Variants in SPC25 observed in about 807,000 individuals in gnomAD.
SPC25 encodes kinetochore protein Spc25.
In SPC25, 22 loss-of-function variants were observed where a neutral mutation model predicts 29.6. That is an observed-to-expected ratio of 0.74 (90% CI 0.53 to 1.06). The LOEUF (loss-of-function observed/expected upper bound fraction) is 1.06. Ranked by LOEUF, SPC25 falls within the 50% of genes least tolerant of loss-of-function variation. SPC25 has a pLI of 0.00. For synonymous variants in SPC25, 91 were observed against 90.4 expected (o/e 1.01, Z -0.04); for missense variants, 230 against 255.8 (o/e 0.90, Z 0.69).
chr2:168,882,236 T>C (rs1690188167), intron 3 of SPC25, among the ~76,000 whole-genome samples: 1 of 152,248 alleles, frequency 6.6e-6, no homozygotes, highest in South Asian at 2.1e-4. Context: ...CTTTAGTCTT[T>C]TACTACTTTT....
Position 168,871,512 on chromosome 2 carries a change from T to C in SPC25, c.594A>G (p.Gln198=), listed in dbSNP as rs1434003974. 4 of 1,608,876 alleles carry C rather than the reference T, an allele frequency of 2.5e-6. No homozygotes were observed. The highest frequency in any genetic ancestry group is 3.4e-6 in the Non-Finnish European group (4 of 1,178,182). ...AATTGTTGGTCTTCCTTACATTCTC[T>C]TGAAATTCTGCTAGGCCCTCAAGAT... ...APHLEGLAEF[Q]ENVRKTNNFS... The change falls in exon 7 of 7, where the codon CAA becomes CAG. Residue 198 remains glutamine (Q), a synonymous_variant. Transcript: ENST00000282074.
At chr2:168,867,075 C>T (rs1689874038), downstream of SPC25, among the ~76,000 whole-genome samples, 1 of 152,108 alleles carries the variant, frequency 6.6e-6, no homozygotes, top group Admixed American at 6.6e-5. Context: ...GGCGATTCCT[C>T]AGGGATCTAG....
At chr2:168,868,861 C>T (rs1244900627), downstream of SPC25, among the ~76,000 whole-genome samples, 3 of 152,194 alleles carry the variant, frequency 2.0e-5, no homozygotes, top group African/African-American at 7.2e-5. Context: ...TTCTATGAGG[C>T]CAGCATCATC....
intron 3 of SPC25, among the ~76,000 whole-genome samples, chr2:168,888,957 G>A (rs181136220): frequency 0.63 from 57,415 of 91,212 alleles, 16,334 homozygotes; most frequent in South Asian, 0.72. Context: ...GTGTGTGTGT[G>A]TATATATATA....
chr2:168,876,791 AG>A (rs1358117585), intron 4 of SPC25, among the ~76,000 whole-genome samples: 1 of 152,158 alleles, frequency 6.6e-6, no homozygotes, highest in African/African-American at 2.4e-5. Flanking sequence ...TGAGCAAACA[AG>A]GCTCCTTTCT....
intron 6 of SPC25, 28 bp from the exon 7 acceptor site, chr2:168,871,583 G>A (rs771027389): frequency 3.9e-6 from 6 of 1,535,938 alleles, no homozygotes; most frequent in Admixed American, 4.6e-5. Context: ...AGAAATCAAA[G>A]ACAATTAGAA....
At chr2:168,863,029 GACA>G (rs1689567364) in intron 4 of SPC25, among the ~76,000 whole-genome samples, 1 of 2,876 alleles carries the variant, frequency 3.5e-4, no homozygotes, top group Non-Finnish European at 5.2e-4. Context: ...GTGAATAAAA[GACA>G]GACATACTTC....
intron 3 of SPC25, among the ~76,000 whole-genome samples, chr2:168,879,994 T>G (rs1690150180): frequency 6.6e-6 from 1 of 152,364 alleles, no homozygotes; most frequent in Admixed American, 6.5e-5. Flanking sequence ...TACACACATG[T>G]GCTGTCATCT....
Position 168,873,654 on chromosome 2 carries a change from T to C in SPC25, c.481A>G (p.Ile161Val). 6.2e-7 allele frequency: 1 copy of C among 1,611,534 alleles called. No individual in the cohort carries two copies. Among genetic ancestry groups the C allele is most frequent in the African/African-American group, 1.3e-5 (1 of 74,936 alleles). Residue 161 changes from isoleucine to valine, a missense_variant, in exon 6 of 7, where the codon ATT becomes GTT. Transcript: ENST00000282074. ...GGGCTCTCAGGATTCTTAGGGTCAA[T>C]ATTAGTGAAAATAAACTGCAATTTC... ...GEKLQFIFTNIDPKNPESPFM... is the reference protein window; with the variant it reads ...GEKLQFIFTNVDPKNPESPFM...
At chr2:168,887,403 C>G (rs1690287075) in intron 3 of SPC25, among the ~76,000 whole-genome samples, 1 of 141,230 alleles carries the variant, frequency 7.1e-6, no homozygotes, top group Non-Finnish European at 1.5e-5. Context: ...GCCTGGGCAA[C>G]AGAGCGAGAC....
intron 3 of SPC25, among the ~76,000 whole-genome samples, chr2:168,878,498 T>C (rs1234521194): frequency 6.6e-6 from 1 of 152,230 alleles, no homozygotes; most frequent in Non-Finnish European, 1.5e-5. Flanking sequence ...AGGAATAAAA[T>C]AGATGCCAGT....
intron 4 of SPC25, among the ~76,000 whole-genome samples, chr2:168,862,420 T>G (rs1689521441): frequency 1.3e-5 from 2 of 152,242 alleles, no homozygotes; most frequent in African/African-American, 2.4e-5. Flanking sequence ...GTCATGCTCC[T>G]AATCACAGTG....
At chr2:168,868,661 A>G (rs1175192476), downstream of SPC25, among the ~76,000 whole-genome samples, 1 of 152,234 alleles carries the variant, frequency 6.6e-6, no homozygotes, top group Non-Finnish European at 1.5e-5. Context: ...ACAAGGAAGA[A>G]GTTGAATCTC....
chr2:168,864,527 C>T (rs1034803433), intron 4 of SPC25, among the ~76,000 whole-genome samples: 1 of 151,968 alleles, frequency 6.6e-6, no homozygotes, highest in Non-Finnish European at 1.5e-5. Context: ...CCTTGTGATC[C>T]ACCCACCTTG....
chr2:168,871,459 T>C lies in SPC25; in HGVS notation c.647A>G (p.Lys216Arg), dbSNP rs1259313378. The change falls in exon 7 of 7, where the codon AAA becomes AGA. Residue 216 changes from lysine to arginine, a missense_variant. By Grantham distance (26) the Lys-to-Arg change is conservative. Coordinates refer to ENST00000282074, the MANE Select transcript of SPC25 (RefSeq NM_020675.4). ...ATTATAAACCGTGGCAGTAAAAGCT[T>C]TCCGAACATTGGCAAGAAAAGCTGA... ...NFSAFLANVR[K>R]AFTATVYN 1 of 1,609,664 alleles carries C rather than the reference T, an allele frequency of 6.2e-7. No individual in the cohort carries two copies. The highest frequency in any genetic ancestry group is 8.5e-7 in the Non-Finnish European group (1 of 1,178,408).
intron 4 of SPC25, 88 bp from the exon 5 acceptor site, chr2:168,876,264 T>C: frequency 1.1e-6 from 1 of 910,044 alleles, no homozygotes; most frequent in South Asian, 2.0e-5. Flanking sequence ...TAAAATCAAC[T>C]ATAAAATGAT....
intron 3 of SPC25, among the ~76,000 whole-genome samples, chr2:168,878,312 T>C (rs1196495251): frequency 6.6e-6 from 1 of 152,196 alleles, no homozygotes; most frequent in Non-Finnish European, 1.5e-5. Context: ...GGATTTTACA[T>C]AGTGAAGGTG....
intron 6 of SPC25, among the ~76,000 whole-genome samples, chr2:168,872,495 G>T (rs903987310): frequency 3.9e-5 from 6 of 152,050 alleles, no homozygotes; most frequent in African/African-American, 1.4e-4. Context: ...CAGTGAAGGT[G>T]GTCAAAGGAA....
intron 5 of SPC25, among the ~76,000 whole-genome samples, chr2:168,874,764 T>C (rs967316873): frequency 5.3e-5 from 8 of 152,136 alleles, no homozygotes; most frequent in African/African-American, 1.7e-4. Context: ...ACTTCACGTG[T>C]GTTGTCACAA....
Sources: gnomAD v4.1 joint callset for allele counts (sites outside exome capture counted in the v4.1 genomes callset) on GRCh38, gnomAD v4.1.1 for gene constraint, MANE v1.5 for transcripts, NCBI Gene and HGNC (gene_info 2026-07-23, HGNC 2026-07-21) for gene names.